The following NLGN4X variants were observed in gnomAD, a reference collection of about 807,000 sequenced individuals.
NLGN4X encodes neuroligin 4 X-linked, also known as neuroligin-4, X-linked.
A neutral mutation model predicts 40.3 loss-of-function variants in NLGN4X; 3 were observed. The ratio of observed to expected loss-of-function variants is 0.07; its 90% CI spans 0.03 to 0.19. The LOEUF (loss-of-function observed/expected upper bound fraction) is 0.19. Among genes scored for constraint, NLGN4X ranks in the 10% least tolerant of loss-of-function variants. NLGN4X has a pLI of 1.00. For synonymous variants in NLGN4X, 270 were observed against 306.8 expected, an observed-to-expected ratio of 0.88 and a Z score of 1.25; for missense variants, 382 against 708.3, an observed-to-expected ratio of 0.54 and a Z score of 5.23.
intron 3 of NLGN4X, among the ~76,000 whole-genome samples, chrX:5,914,616 ATG>A (rs1248332290): frequency 2.5e-5 from 1 of 40,700 alleles, no homozygotes; most frequent in African/African-American, 1.3e-4. Context: ...TAATATATGT[ATG>A]TATATATATA....
chrX:6,003,944 T>C (rs1320999685), intron 3 of NLGN4X, among the ~76,000 whole-genome samples: 2 of 112,139 alleles, frequency 1.8e-5, no homozygotes. Context: ...CTCCTGTACC[T>C]GCTCACCTGT....
intron 3 of NLGN4X, among the ~76,000 whole-genome samples, chrX:5,973,261 C>T (rs111911208): frequency 0.068 from 7,605 of 112,089 alleles, 631 homozygotes; most frequent in African/African-American, 0.23. Context: ...AGAGCCACAC[C>T]ACTCATGGAC....
At chrX:6,172,797 A>G (rs1246183565) in intron 1 of NLGN4X, among the ~76,000 whole-genome samples, 1 of 112,162 alleles carries the variant, frequency 8.9e-6, no homozygotes, top group Non-Finnish European at 1.9e-5. Flanking sequence ...TGTACAGTAA[A>G]TAAGTAATAG....
intron 2 of NLGN4X, among the ~76,000 whole-genome samples, chrX:6,061,186 C>T (rs1312199540): frequency 2.7e-5 from 3 of 111,230 alleles, no homozygotes; most frequent in Admixed American, 9.6e-5. Flanking sequence ...TCCATCAGCC[C>T]GGGTCCCAGA....
intron 3 of NLGN4X, among the ~76,000 whole-genome samples, chrX:5,934,555 C>T (rs757768442): frequency 9.0e-6 from 1 of 111,472 alleles, no homozygotes; most frequent in Admixed American, 9.6e-5. Context: ...GTGATATATT[C>T]ATCCCTACAG....
intron 3 of NLGN4X, among the ~76,000 whole-genome samples, chrX:5,926,087 A>G (rs2033306665): frequency 9.6e-6 from 1 of 103,692 alleles, no homozygotes; most frequent in Non-Finnish European, 2.0e-5. Context: ...TCATGGGGGC[A>G]GTTTCCCCCA....
chrX:6,081,698 C>A (rs1282565004), intron 2 of NLGN4X, among the ~76,000 whole-genome samples: 3 of 112,314 alleles, frequency 2.7e-5, no homozygotes, highest in Non-Finnish European at 5.6e-5. Context: ...ACCTAGCCTG[C>A]AGGGCATGAC....
At chrX:6,041,305 T>G (rs1209120280) in intron 2 of NLGN4X, among the ~76,000 whole-genome samples, 1 of 111,780 alleles carries the variant, frequency 8.9e-6, no homozygotes, top group African/African-American at 3.3e-5. Flanking sequence ...AAATAGAGGT[T>G]GTTTGAGATG....
chrX:6,025,099 G>T (rs1172222310), intron 3 of NLGN4X, among the ~76,000 whole-genome samples: 1 of 111,214 alleles, frequency 9.0e-6, no homozygotes, highest in African/African-American at 3.3e-5. Context: ...TCTGTTTATA[G>T]AAGTGCAGCT....
At chrX:6,114,066 C>T (rs1398556983) in intron 2 of NLGN4X, among the ~76,000 whole-genome samples, 2 of 111,619 alleles carry the variant, frequency 1.8e-5, no homozygotes, top group African/African-American at 6.5e-5. Flanking sequence ...GTGATCCACC[C>T]AGCTCAGCAT....
intron 2 of NLGN4X, among the ~76,000 whole-genome samples, chrX:6,128,695 T>A (rs1176691519): frequency 8.9e-6 from 1 of 111,989 alleles, no homozygotes; most frequent in Non-Finnish European, 1.9e-5. Context: ...GGGATGTGGG[T>A]TGAAAAACTA....
At chrX:6,136,945 T>C (rs1004528623) in intron 2 of NLGN4X, among the ~76,000 whole-genome samples, 1 of 112,305 alleles carries the variant, frequency 8.9e-6, no homozygotes, top group African/African-American at 3.2e-5. Flanking sequence ...AATGCAGACA[T>C]CACCTCTTCT....
intron 2 of NLGN4X, among the ~76,000 whole-genome samples, chrX:6,099,206 T>C (rs1037818794): frequency 1.4e-3 from 161 of 111,937 alleles, no homozygotes; most frequent in African/African-American, 5.1e-3. Context: ...CCATGAAGAG[T>C]ACATAGGAGA....
chrX:5,936,844 A>C (rs1391091504), intron 3 of NLGN4X, among the ~76,000 whole-genome samples: 1 of 112,291 alleles, frequency 8.9e-6, no homozygotes, highest in African/African-American at 3.2e-5. Context: ...GTGAAATCCA[A>C]AAACAAGAAG....
chrX:6,110,677 C>G (rs1020938115), intron 2 of NLGN4X, among the ~76,000 whole-genome samples: 2 of 111,558 alleles, frequency 1.8e-5, no homozygotes, highest in African/African-American at 6.5e-5. Context: ...AAGCAAAAAT[C>G]CTGGAAAGAG....
At chrX:6,117,947 A>G (rs1374342299) in intron 2 of NLGN4X, among the ~76,000 whole-genome samples, 2 of 107,445 alleles carry the variant, frequency 1.9e-5, no homozygotes, top group Admixed American at 1.0e-4. Flanking sequence ...GAGGTGCAAC[A>G]TAAGAGAAAA....
intron 3 of NLGN4X, among the ~76,000 whole-genome samples, chrX:5,922,144 A>T (rs957988186): frequency 9.0e-6 from 1 of 111,380 alleles, no homozygotes; most frequent in Admixed American, 9.5e-5. Flanking sequence ...ATCTGCCAGA[A>T]ATTGTGAGGT....
chrX:6,222,264 A>AGGG, intron 1 of NLGN4X, among the ~76,000 whole-genome samples: 1 of 111,199 alleles, frequency 9.0e-6, no homozygotes, highest in African/African-American at 3.3e-5. Flanking sequence ...ACAGATGTTA[A>AGGG]TAAAATCACA....
intron 2 of NLGN4X, among the ~76,000 whole-genome samples, chrX:6,068,055 C>G (rs1004014833): frequency 2.6e-4 from 29 of 111,640 alleles, no homozygotes; most frequent in African/African-American, 9.1e-4. Flanking sequence ...TTTAGGTGAG[C>G]ACATAAAATG....
Sources: gnomAD v4.1 joint callset for allele counts (sites outside exome capture counted in the v4.1 genomes callset) on GRCh38, gnomAD v4.1.1 for gene constraint, MANE v1.5 for transcripts, NCBI Gene and HGNC (gene_info 2026-07-23, HGNC 2026-07-21) for gene names.